Variants in ADGRA1 observed in about 807,000 individuals in gnomAD.
The protein encoded by ADGRA1 is G-protein coupled receptor 123.
ADGRA1 carries 12 observed loss-of-function variants against 21.3 expected under a neutral mutation model. The ratio of observed to expected loss-of-function variants is 0.56; its 90% CI spans 0.36 to 0.91. The LOEUF (loss-of-function observed/expected upper bound fraction) is 0.91. Among genes scored for constraint, ADGRA1 ranks in the 40% least tolerant of loss-of-function variants. The pLI is 0.01. For synonymous variants in ADGRA1, 385 were observed against 368.8 expected, an observed-to-expected ratio of 1.04 and a Z score of -0.50; for missense variants, 790 against 805.6, an observed-to-expected ratio of 0.98 and a Z score of 0.23.
chr10:133,118,052 C>G (rs548946491), intron 5 of ADGRA1, among the ~76,000 whole-genome samples: 1 of 152,278 alleles, frequency 6.6e-6, no homozygotes, highest in Admixed American at 6.5e-5. Context: ...CTGCGGGGAG[C>G]TGGACGTGTC....
intron 2 of ADGRA1, among the ~76,000 whole-genome samples, chr10:133,092,743 TAGGGAGGGAGGA>T (rs1392740000): frequency 1.8e-5 from 2 of 110,610 alleles, no homozygotes; most frequent in African/African-American, 7.6e-5. Flanking sequence ...GAAGGAGAAA[TAGGGAGGGAGGA>T]AGGAAGGAAG....
intron 2 of ADGRA1, among the ~76,000 whole-genome samples, chr10:133,094,687 G>T: frequency 6.6e-6 from 1 of 152,202 alleles, no homozygotes; most frequent in South Asian, 2.1e-4. Flanking sequence ...TTCTCTCGCG[G>T]ATCTGGGTTT....
In ADGRA1 at chr10:133,117,600, G is replaced by A. The variant is rs897221741; in HGVS notation, c.402-9633G>A. On this transcript the variant is annotated intron_variant, in intron 5 of 6. Coordinates refer to ENST00000392607, the MANE Select transcript of ADGRA1 (RefSeq NM_001083909.3). ...TGGTCCTACCCCTGGCACTCAGGCC[G>A]TGGACGGCCAAGAGGAGGCTGCCAG... Among the ~76,000 whole-genome samples, 3 of 152,370 alleles carry A rather than the reference G, an allele frequency of 2.0e-5. No homozygotes were observed. In the South Asian group the frequency reaches 6.2e-4, roughly 32 times the overall value.
At chr10:133,119,261 CAA>C (rs34728360) in intron 5 of ADGRA1, among the ~76,000 whole-genome samples, 4,683 of 145,170 alleles carry the variant, frequency 0.032, 173 homozygotes, top group African/African-American at 0.099. Flanking sequence ...CCTTTATTGC[CAA>C]AAAAAAAAAA....
At position 133,129,121 on chromosome 10, in the gene ADGRA1, A is replaced by G. The variant is rs1281603509; in HGVS notation, c.1293A>G (p.Ala431=). The part of the protein sequence containing the change: ...TKPPYFSRHP[A]EEPEYAYHIP... The stretch of plus-strand genomic sequence containing the variant: ...CGCCCTACTTTAGCCGGCACCCAGC[A>G]GAGGAGCCCGAGTACGCCTACCACA... Residue 431 remains alanine, a synonymous_variant, in exon 7 of 7, where the codon GCA becomes GCG. Coordinates refer to ENST00000392607, the MANE Select transcript of ADGRA1 (RefSeq NM_001083909.3). The G allele has an allele frequency of 1.3e-6, 2 of 1,554,286 alleles. No individual in the cohort carries two copies. The highest frequency in any genetic ancestry group is 1.7e-6 in the Non-Finnish European group (2 of 1,148,522).
At chr10:133,088,184 C>A in intron 1 of ADGRA1, 46 bp downstream of exon 1, 1 of 887,934 alleles carries the variant, frequency 1.1e-6, no homozygotes, top group Non-Finnish European at 1.3e-6. Flanking sequence ...ACGCGCGGGG[C>A]CGCGGCTCGG....
At position 133,088,744 on chromosome 10, in the gene ADGRA1, G is replaced by A. The variant is rs977654905; in HGVS notation, c.-166G>A. On this transcript the variant is annotated 5_prime_UTR_variant, in exon 2 of 7. Transcript: ENST00000392607. ...TCCCGGACTGCGCCCGCCCCGCCGCGGTCACCCTGAGGCCAGGGGCCCGGG... is the reference window on the plus strand; with the variant it reads ...TCCCGGACTGCGCCCGCCCCGCCGCAGTCACCCTGAGGCCAGGGGCCCGGG... 8.1e-7 allele frequency: 1 copy of A among 1,230,842 alleles called. No individual in the cohort carries two copies. Among genetic ancestry groups the A allele is most frequent in the Non-Finnish European group, 1.0e-6 (1 of 987,568 alleles). 76.2% of individuals were successfully genotyped at this position (1,230,842 alleles called of 1,614,324 possible).
chr10:133,109,701 G>C (rs938175877), intron 5 of ADGRA1, among the ~76,000 whole-genome samples: 1 of 152,168 alleles, frequency 6.6e-6, no homozygotes, highest in Non-Finnish European at 1.5e-5. Flanking sequence ...GTCCCTCCTG[G>C]TTCATATTCT....
At position 133,112,392 on chromosome 10, in the gene ADGRA1, A is replaced by ACGGGCCGCGTCCGTTATTTGGGGTCTG. The variant is rs1564850050; in HGVS notation, c.401+9557_401+9583dup. Among the ~76,000 whole-genome samples the ACGGGCCGCGTCCGTTATTTGGGGTCTG allele has an allele frequency of 1.9e-3, 167 of 87,828 alleles. 1 individual carries two copies. Among genetic ancestry groups the ACGGGCCGCGTCCGTTATTTGGGGTCTG allele is most frequent in the African/African-American group, 8.1e-3 (151 of 18,712 alleles). 57.6% of individuals were successfully genotyped at this position (87,828 alleles called of 152,430 possible). A position where few individuals can be genotyped will look rare whatever the true frequency, so the allele number is the denominator to read the frequency against. On this transcript the variant is annotated intron_variant, in intron 5 of 6. Coordinates refer to ENST00000392607, the MANE Select transcript of ADGRA1 (RefSeq NM_001083909.3). ...GGGCCGTGTCGGTTATTTGGGGTCT[A>ACGGGCCGCGTCCGTTATTTGGGGTCTG]CGGGCCGCGTCCGTTATTTGGGGTC...
intron 5 of ADGRA1, among the ~76,000 whole-genome samples, chr10:133,103,721 A>G (rs905606746): frequency 2.0e-5 from 3 of 152,230 alleles, no homozygotes; most frequent in Non-Finnish European, 4.4e-5. Flanking sequence ...GAGCTGGGAC[A>G]GCTGCTTTAG....
At chr10:133,118,967 TCACA>T (rs202167844) in intron 5 of ADGRA1, among the ~76,000 whole-genome samples, 3,093 of 151,650 alleles carry the variant, frequency 0.02, 119 homozygotes, top group African/African-American at 0.07. Context: ...TGCATTTACA[TCACA>T]CACACGCACC....
chr10:133,129,253 C>A lies in ADGRA1; in HGVS notation c.1425C>A (p.Gly475=), dbSNP rs1160949847. 2.6e-6 allele frequency: 4 copies of A among 1,549,480 alleles called. No individual in the cohort carries two copies. Among genetic ancestry groups the A allele is most frequent in the Middle Eastern group, 1.7e-4 (1 of 5,754 alleles). Residue 475 remains glycine (G), a synonymous_variant, in exon 7 of 7, where the codon GGC becomes GGA. Transcript: ENST00000392607. ...GTHTLACCTQ[G]DPFPMVTQPE... The stretch of plus-strand genomic sequence containing the variant: ...ACACGCTGGCCTGCTGCACCCAGGG[C>A]GACCCCTTCCCCATGGTCACCCAGC...
intron 2 of ADGRA1, among the ~76,000 whole-genome samples, chr10:133,095,963 G>T (rs1174564104): frequency 6.6e-6 from 1 of 152,076 alleles, no homozygotes; most frequent in Non-Finnish European, 1.5e-5. Flanking sequence ...GATCACCAGG[G>T]GGCTGGGGAG....
chr10:133,089,759 C>T (rs1013030959), intron 2 of ADGRA1, among the ~76,000 whole-genome samples: 11 of 152,222 alleles, frequency 7.2e-5, no homozygotes, highest in Non-Finnish European at 1.5e-4. Flanking sequence ...TTGTTCCGTT[C>T]GAAATGTCCA....
chr10:133,100,519 G>C (rs370142321), intron 4 of ADGRA1, among the ~76,000 whole-genome samples: 82 of 152,344 alleles, frequency 5.4e-4, no homozygotes, highest in African/African-American at 1.9e-3. Flanking sequence ...CCAGGCCTGC[G>C]GTGACAGCTC....
At chr10:133,103,612 C>T (rs1353294405) in intron 5 of ADGRA1, among the ~76,000 whole-genome samples, 4 of 152,212 alleles carry the variant, frequency 2.6e-5, no homozygotes, top group Non-Finnish European at 5.9e-5. Context: ...ACAGACCTCC[C>T]TCCCTCTCTC....
At chr10:133,088,643 G>C (rs1005387940) in intron 1 of ADGRA1, 65 bp from the exon 2 acceptor site, 2 of 1,066,464 alleles carry the variant, frequency 1.9e-6, no homozygotes, top group African/African-American at 1.6e-5. Flanking sequence ...TGGCGGGGTC[G>C]GGGCTGCGAG....
At position 133,102,804 on chromosome 10, in the gene ADGRA1, C is replaced by T; in HGVS notation, c.363C>T (p.Asp121=). 1 of 1,612,736 alleles carries T rather than the reference C, an allele frequency of 6.2e-7. No homozygotes were observed. The highest frequency in any genetic ancestry group is 8.5e-7 in the Non-Finnish European group (1 of 1,179,778). ...CCAAGAAGGCCCCTCTGTGCCTGGA[C>T]ACAGACCAGCCACCGTACCCCAGGC... is the stretch of plus-strand genomic sequence containing the variant. ...QVTKKAPLCL[D]TDQPPYPRQP... The change falls in exon 5 of 7, where the codon GAC becomes GAT. Residue 121 remains aspartate, a synonymous_variant. Transcript: ENST00000392607.
intron 5 of ADGRA1, among the ~76,000 whole-genome samples, chr10:133,113,343 G>A (rs952550421): frequency 1.3e-5 from 2 of 152,244 alleles, no homozygotes; most frequent in African/African-American, 2.4e-5. Flanking sequence ...CCGGCTTGCC[G>A]AGGATGCCTG....
Sources: allele counts gnomAD v4.1 joint callset (sites outside exome capture counted in the v4.1 genomes callset), GRCh38; gene constraint gnomAD v4.1.1; transcripts MANE v1.5; gene names NCBI Gene and HGNC (gene_info 2026-07-23, HGNC 2026-07-21).